RXRA: variants seen among roughly 807,000 people sequenced by gnomAD.
RXRA encodes the protein retinoic acid receptor RXR-alpha.
Under a neutral mutation model 44.5 loss-of-function variants are expected in RXRA, and 5 were observed. The observed-to-expected ratio is 0.11, with a 90% confidence interval of 0.06 to 0.24. RXRA has a LOEUF of 0.24. Among genes scored for constraint, RXRA ranks in the 10% least tolerant of loss-of-function variants. The pLI, the probability that RXRA is intolerant of heterozygous loss-of-function variation, is 1.00. For missense variants in RXRA, 412 were observed against 646.5 expected (o/e 0.64, Z 3.93); for synonymous variants, 291 against 271.4 (o/e 1.07, Z -0.71).
chr9:134,418,466 C>G (rs866795274), intron 5 of RXRA, among the ~76,000 whole-genome samples: 2 of 152,288 alleles, frequency 1.3e-5, no homozygotes, highest in Middle Eastern at 6.8e-3. Flanking sequence ...GTTGCCCCAA[C>G]CTCTGTCCCT....
chr9:134,333,370 C>T (rs536539422), intron 1 of RXRA, among the ~76,000 whole-genome samples: 73 of 152,286 alleles, frequency 4.8e-4, no homozygotes, highest in Middle Eastern at 3.4e-3. Context: ...CCTGGCCTCC[C>T]CGCACCTCTG....
At chr9:134,327,570 G>T (rs1751677234) in intron 1 of RXRA, among the ~76,000 whole-genome samples, 1 of 152,188 alleles carries the variant, frequency 6.6e-6, no homozygotes. Flanking sequence ...GTCAGGCCGG[G>T]TGAAGGATTT....
intron 1 of RXRA, among the ~76,000 whole-genome samples, chr9:134,377,959 C>T (rs564441930): frequency 3.9e-5 from 6 of 152,332 alleles, no homozygotes; most frequent in Admixed American, 2.6e-4. Context: ...GCGGAAGGGC[C>T]GAGCTGGGGC....
At chr9:134,422,069 C>T (rs1367771921) in intron 6 of RXRA, 119 of 1,375,158 alleles carry the variant, frequency 8.7e-5, no homozygotes, top group Non-Finnish European at 1.0e-4. Flanking sequence ...TCTCCCAGGA[C>T]GCTCCCCTCT....
intron 1 of RXRA, among the ~76,000 whole-genome samples, chr9:134,380,535 A>G (rs1830628097): frequency 1.3e-5 from 2 of 151,828 alleles, no homozygotes; most frequent in Admixed American, 1.3e-4. Context: ...GGTAGACAGG[A>G]CGGGCCCCTC....
At chr9:134,423,738 AAC>A in intron 6 of RXRA, 1 of 985,440 alleles carries the variant, frequency 1.0e-6, no homozygotes, top group Non-Finnish European at 1.2e-6. Flanking sequence ...CTGCCAAGGG[AAC>A]CCTGCCCTTG....
intron 1 of RXRA, among the ~76,000 whole-genome samples, chr9:134,388,446 G>C (rs1408511850): frequency 2.0e-5 from 3 of 152,138 alleles, no homozygotes; most frequent in Admixed American, 6.5e-5. Flanking sequence ...CGCAGGAGTG[G>C]GGCCCAGGGT....
At chr9:134,393,280 C>T (rs1830827284) in intron 1 of RXRA, among the ~76,000 whole-genome samples, 1 of 152,216 alleles carries the variant, frequency 6.6e-6, no homozygotes, top group African/African-American at 2.4e-5. Context: ...GGCTGGGTCA[C>T]AGAGGACCAG....
chr9:134,398,538 C>A (rs1373567900), intron 1 of RXRA, among the ~76,000 whole-genome samples: 2 of 152,148 alleles, frequency 1.3e-5, no homozygotes, highest in East Asian at 3.9e-4. Context: ...TGGACGGAGT[C>A]TGTGTAAACA....
At chr9:134,429,375 A>T in intron 7 of RXRA, 135 bp downstream of exon 7, 1 of 961,394 alleles carries the variant, frequency 1.0e-6, no homozygotes, top group Non-Finnish European at 1.5e-6. Flanking sequence ...CACATGGAAA[A>T]AGAGAAAAGC....
chr9:134,407,303 C>T lies in RXRA; in HGVS notation c.280-846C>T, dbSNP rs2119154699. Among the ~76,000 whole-genome samples, 1 of 152,370 alleles carries T rather than the reference C, an allele frequency of 6.6e-6. No individual in the cohort carries two copies. The highest frequency in any genetic ancestry group is 1.9e-4 in the East Asian group (1 of 5,188). ...GGAGCTTCCTGCGCACAAGCGGCGG[C>T]AGGGGTTTGCAGAAGTGGAGGCTGG... On this transcript the variant is annotated intron_variant, in intron 2 of 9. Coordinates refer to ENST00000481739, the MANE Select transcript of RXRA (RefSeq NM_002957.6). The surrounding 1 kb of genome is among the most constrained non-coding windows in gnomAD (Gnocchi z 4.8).
At chr9:134,382,977 G>A (rs1830668495) in intron 1 of RXRA, among the ~76,000 whole-genome samples, 1 of 152,200 alleles carries the variant, frequency 6.6e-6, no homozygotes, top group Non-Finnish European at 1.5e-5. Flanking sequence ...CTGGCTGAAG[G>A]GCCCAGAAGG....
At chr9:134,429,805 G>A (rs1025553358) in intron 7 of RXRA, among the ~76,000 whole-genome samples, 5 of 152,178 alleles carry the variant, frequency 3.3e-5, no homozygotes, top group African/African-American at 4.8e-5. Context: ...GTCCGTGTCC[G>A]TTCATGTTGC....
chr9:134,345,340 A>G (rs934728996), intron 1 of RXRA, among the ~76,000 whole-genome samples: 1 of 152,180 alleles, frequency 6.6e-6, no homozygotes, highest in Non-Finnish European at 1.5e-5. Flanking sequence ...TTTGGGCCAA[A>G]GCCCTGATGG....
At chr9:134,333,025 C>G (rs75723204) in intron 1 of RXRA, among the ~76,000 whole-genome samples, 4 of 152,088 alleles carry the variant, frequency 2.6e-5, no homozygotes, top group Non-Finnish European at 5.9e-5. Context: ...TCCGGCCCCC[C>G]CTGCACTCCC....
At chr9:134,429,014 C>G (rs558699212) in intron 6 of RXRA, 94 bp from the exon 7 acceptor site, 38 of 1,499,266 alleles carry the variant, frequency 2.5e-5, no homozygotes, top group Middle Eastern at 3.6e-4. Flanking sequence ...GGGTCGGTGA[C>G]ATGCTGCCTC....
At chr9:134,376,320 A>ATG (rs1363344511) in intron 1 of RXRA, among the ~76,000 whole-genome samples, 2 of 152,056 alleles carry the variant, frequency 1.3e-5, no homozygotes, top group Admixed American at 6.5e-5. Flanking sequence ...GTGTTTATGC[A>ATG]TGTGTGTGTG....
At chr9:134,379,402 T>C in intron 1 of RXRA, 1 of 987,470 alleles carries the variant, frequency 1.0e-6, no homozygotes, top group Non-Finnish European at 1.2e-6. Context: ...TGGGGCACCC[T>C]GAGATGGGGC....
intron 2 of RXRA, 23 bp downstream of exon 2, chr9:134,401,905 G>A: frequency 6.4e-7 from 1 of 1,561,108 alleles, no homozygotes; most frequent in Non-Finnish European, 8.7e-7. Flanking sequence ...CTGGGGCAAG[G>A]GGAGGGGGTG....
Sources: allele counts gnomAD v4.1 joint callset (sites outside exome capture counted in the v4.1 genomes callset), GRCh38; gene constraint gnomAD v4.1.1; non-coding constraint Gnocchi (gnomAD v3.1); transcripts MANE v1.5; gene names NCBI Gene and HGNC (gene_info 2026-07-23, HGNC 2026-07-21).